LUZP2: variants seen among roughly 807,000 people sequenced by gnomAD.
LUZP2 encodes the protein leucine zipper protein 2.
LUZP2 carries 52 observed loss-of-function variants against 51.6 expected under a neutral mutation model. The observed-to-expected ratio is 1.01, with a 90% confidence interval of 0.81 to 1.27. LUZP2 has a LOEUF of 1.27. Among genes scored for constraint, LUZP2 ranks in the 50% most tolerant of loss-of-function variants. The probability of loss-of-function intolerance (pLI) is 0.00; values close to 1 mark genes in which losing one functional copy is unlikely to be tolerated. For synonymous variants in LUZP2, 154 were observed against 137.3 expected, an observed-to-expected ratio of 1.12 and a Z score of -0.85; for missense variants, 436 against 395.4, an observed-to-expected ratio of 1.10 and a Z score of -0.87.
chr11:24,792,588 A>G lies in LUZP2; in HGVS notation c.396+29280A>G, dbSNP rs572997696. Among the ~76,000 whole-genome samples the G allele has an allele frequency of 4.6e-5, 7 of 152,282 alleles. No individual in the cohort carries two copies. The South Asian group carries it at 1.4e-3, about 32-fold the overall frequency. The stretch of plus-strand genomic sequence containing the variant: ...GGCACTGTTATAATCTCTGACCTAC[A>G]GGAAAATGTAATGAAGTTCATTGAA... On this transcript the variant is annotated intron_variant, in intron 5 of 11. Transcript: ENST00000336930.
chr11:24,994,870 C>CA (rs1337464842), intron 9 of LUZP2, among the ~76,000 whole-genome samples: 3 of 152,072 alleles, frequency 2.0e-5, no homozygotes, highest in Non-Finnish European at 2.9e-5. Context: ...TCTACACTGC[C>CA]ATTGTCAGTC....
intron 7 of LUZP2, among the ~76,000 whole-genome samples, chr11:24,929,321 T>C (rs1249558998): frequency 6.6e-6 from 1 of 152,138 alleles, no homozygotes; most frequent in Non-Finnish European, 1.5e-5. Context: ...ATTGTCTATT[T>C]GTGCTTTTCC....
At chr11:25,017,711 G>T (rs1366602771) in intron 9 of LUZP2, among the ~76,000 whole-genome samples, 1 of 145,594 alleles carries the variant, frequency 6.9e-6, no homozygotes, top group Non-Finnish European at 1.5e-5. Flanking sequence ...TTTGCTTATT[G>T]TTGTTGTTGT....
intron 5 of LUZP2, among the ~76,000 whole-genome samples, chr11:24,807,024 C>CAAAAAAAAAA: frequency 9.1e-6 from 1 of 110,290 alleles, no homozygotes; most frequent in Non-Finnish European, 1.8e-5. Context: ...GAAAATCCAC[C>CAAAAAAAAAA]AAAAAAAAAA....
At chr11:24,944,257 G>T (rs1854840257) in intron 7 of LUZP2, among the ~76,000 whole-genome samples, 1 of 152,018 alleles carries the variant, frequency 6.6e-6, no homozygotes, top group Non-Finnish European at 1.5e-5. Context: ...AACAATTTTG[G>T]GAACCACCAC....
chr11:24,721,052 T>C (rs1420001767), intron 1 of LUZP2, among the ~76,000 whole-genome samples: 4 of 152,290 alleles, frequency 2.6e-5, no homozygotes, highest in African/African-American at 4.8e-5. Flanking sequence ...ACATGGCCAA[T>C]AGCAGGAGAA....
chr11:24,854,640 C>T (rs1404282356), intron 5 of LUZP2, among the ~76,000 whole-genome samples: 1 of 148,176 alleles, frequency 6.7e-6, no homozygotes, highest in African/African-American at 2.5e-5. Context: ...TTCTGTCTCA[C>T]TGGCATTCCA....
intron 1 of LUZP2, among the ~76,000 whole-genome samples, chr11:24,633,161 C>G (rs951127544): frequency 2.0e-5 from 3 of 151,890 alleles, no homozygotes; most frequent in Admixed American, 6.6e-5. Context: ...TGGCATTTTT[C>G]CACATTTATT....
intron 5 of LUZP2, among the ~76,000 whole-genome samples, chr11:24,848,499 C>T (rs1459929926): frequency 6.6e-6 from 1 of 152,148 alleles, no homozygotes; most frequent in Admixed American, 6.6e-5. Context: ...TTCTTAGCTG[C>T]CAGTTTGCTA....
chr11:25,016,981 T>C (rs1410630330), intron 9 of LUZP2, among the ~76,000 whole-genome samples: 1 of 152,030 alleles, frequency 6.6e-6, no homozygotes, highest in Non-Finnish European at 1.5e-5. Context: ...TGTGGTAAGG[T>C]GGTATCTCAT....
rs144205077 is a variant in LUZP2, at chr11:24,895,479, G to A, written c.397-10512G>A. Reference sequence around the variant, plus strand: ...TGCTATCACCCAGGTACTGAGTATCGTACCTAAGAGTCTTTAAACCCTTGC... The same window carrying A: ...TGCTATCACCCAGGTACTGAGTATCATACCTAAGAGTCTTTAAACCCTTGC... On this transcript the variant is annotated intron_variant, in intron 5 of 11. Coordinates refer to ENST00000336930, the MANE Select transcript of LUZP2 (RefSeq NM_001009909.4). Among the ~76,000 whole-genome samples the A allele has an allele frequency of 1.7e-3, 264 of 152,018 alleles. 2 individuals carry two copies. The highest frequency in any genetic ancestry group is 6.0e-3 in the African/African-American group (250 of 41,468).
At chr11:24,855,426 T>G (rs1355031444) in intron 5 of LUZP2, among the ~76,000 whole-genome samples, 1 of 152,142 alleles carries the variant, frequency 6.6e-6, no homozygotes, top group Non-Finnish European at 1.5e-5. Context: ...GTGAAATATC[T>G]CCGTAAGGAA....
intron 2 of LUZP2, among the ~76,000 whole-genome samples, chr11:24,729,835 G>A (rs528476856): frequency 1.3e-5 from 2 of 151,930 alleles, no homozygotes; most frequent in Admixed American, 6.6e-5. Flanking sequence ...ATTATATCCT[G>A]TATGCTAAAA....
chr11:24,566,619 G>GAT (rs144651993), intron 1 of LUZP2, among the ~76,000 whole-genome samples: 54,823 of 135,194 alleles, frequency 0.41, 10,805 homozygotes, highest in African/African-American at 0.47. Context: ...TGTATGTATA[G>GAT]ATATACACAC....
chr11:24,949,376 T>C (rs1219307812), intron 7 of LUZP2, among the ~76,000 whole-genome samples: 1 of 151,524 alleles, frequency 6.6e-6, no homozygotes, highest in Non-Finnish European at 1.5e-5. Context: ...CTAAATGATT[T>C]CTATGACAAA....
chr11:25,022,493 A>G (rs1857366853), intron 9 of LUZP2, among the ~76,000 whole-genome samples: 1 of 152,090 alleles, frequency 6.6e-6, no homozygotes, highest in Admixed American at 6.6e-5. Context: ...ATTTATATCA[A>G]TTGTCCTTCA....
chr11:24,794,360 A>G (rs2716545), intron 5 of LUZP2, among the ~76,000 whole-genome samples: 93,314 of 151,920 alleles, frequency 0.61, 30,411 homozygotes, highest in Non-Finnish European at 0.73. Flanking sequence ...TTGTATTCCA[A>G]TAGTGGAGAA....
chr11:24,511,865 T>G (rs1469930469), intron 1 of LUZP2, among the ~76,000 whole-genome samples: 1 of 152,200 alleles, frequency 6.6e-6, no homozygotes, highest in Admixed American at 6.6e-5. Context: ...TGAATTATGC[T>G]AAGTCTTAGC....
intron 4 of LUZP2, among the ~76,000 whole-genome samples, chr11:24,751,775 A>G (rs1859598191): frequency 6.6e-6 from 1 of 152,146 alleles, no homozygotes; most frequent in Admixed American, 6.6e-5. Flanking sequence ...GCTACTAAAA[A>G]GAAACACTAC....
Sources: allele counts gnomAD v4.1 joint callset (sites outside exome capture counted in the v4.1 genomes callset), GRCh38; gene constraint gnomAD v4.1.1; transcripts MANE v1.5; gene names NCBI Gene and HGNC (gene_info 2026-07-23, HGNC 2026-07-21).